PSAP: variants seen among roughly 807,000 people sequenced by gnomAD.
The protein encoded by PSAP is precursor of saposins.
A neutral mutation model predicts 66.0 loss-of-function variants in PSAP; 25 were observed. The observed-to-expected ratio is 0.38, with a 90% confidence interval of 0.28 to 0.53. The LOEUF is 0.53. Among genes scored for constraint, PSAP ranks in the 20% least tolerant of loss-of-function variants. The probability of loss-of-function intolerance (pLI) is 0.83; values close to 1 mark genes in which losing one functional copy is unlikely to be tolerated. For missense variants in PSAP, 649 were observed against 668.8 expected (o/e 0.97, Z 0.33); for synonymous variants, 273 against 258.9 (o/e 1.05, Z -0.52).
At chr10:71,822,531 T>A in intron 7 of PSAP, 1 of 469,616 alleles carries the variant, frequency 2.1e-6, no homozygotes, top group South Asian at 1.6e-5. Context: ...ATGTTCAAGC[T>A]GCACACAGTG....
chr10:71,842,243 A>G (rs765591856), intron 1 of PSAP, among the ~76,000 whole-genome samples: 6 of 152,238 alleles, frequency 3.9e-5, no homozygotes, highest in Non-Finnish European at 7.3e-5. Flanking sequence ...ATGACATTGC[A>G]ACAGACTGAA....
Position 71,819,563 on chromosome 10 carries a change from A to G in PSAP, c.1252T>C (p.Tyr418His), listed in dbSNP as rs764156331. 1.5e-5 allele frequency: 25 copies of G among 1,614,116 alleles called. No individual in the cohort carries two copies. Among genetic ancestry groups the G allele is most frequent in the East Asian group, 2.2e-5 (1 of 44,892 alleles). The change falls in exon 11 of 14, where the codon TAT becomes CAT. Residue 418 changes from tyrosine to histidine, a missense_variant. By Grantham distance (83) the Tyr-to-His change is moderately conservative (BLOSUM62 2). Coordinates refer to ENST00000394936, the MANE Select transcript of PSAP (RefSeq NM_002778.4). ...TTTTTCTCCAGGTTGCGATCCAAATAACCCACCAGCTTCTTGCACACTTCG... is the reference window on the plus strand; with the variant it reads ...TTTTTCTCCAGGTTGCGATCCAAATGACCCACCAGCTTCTTGCACACTTCG... ...FCEVCKKLVG[Y>H]LDRNLEKNST...
chr10:71,847,647 C>CA lies in PSAP; in HGVS notation c.40+3534dup, dbSNP rs771414790. Among the ~76,000 whole-genome samples the CA allele has an allele frequency of 9.0e-3, 1,131 of 126,058 alleles. 9 individuals are homozygous for CA. Among genetic ancestry groups the CA allele is most frequent in the African/African-American group, 0.022 (746 of 34,118 alleles). 82.7% of individuals were successfully genotyped at this position (126,058 alleles called of 152,430 possible). A position where few individuals can be genotyped will look rare whatever the true frequency, so the allele number is the denominator to read the frequency against. On this transcript the variant is annotated intron_variant, in intron 1 of 13. Transcript: ENST00000394936. ...CTTCTGCCTATTAAACTTTCTGCTC[C>CA]AAAAAAAAAAAAAAGAAACAAAACA... is the stretch of plus-strand genomic sequence containing the variant.
intron 13 of PSAP, 36 bp from the exon 14 acceptor site, chr10:71,817,512 A>G: frequency 6.2e-7 from 1 of 1,609,084 alleles, no homozygotes; most frequent in East Asian, 2.2e-5. Flanking sequence ...TAGTCTTCGG[A>G]TGAAAAACTC....
At chr10:71,818,030 C>T (rs1390470014) in intron 13 of PSAP, among the ~76,000 whole-genome samples, 1 of 152,224 alleles carries the variant, frequency 6.6e-6, no homozygotes, top group African/African-American at 2.4e-5. Flanking sequence ...GACATGGTCA[C>T]AGGGAAGCCC....
chr10:71,817,338 T>C lies in PSAP; in HGVS notation c.*103A>G. ...AAATGGGGGAGGTGGGGGAGCCCTA[T>C]TTTTATAACAAAGTCAAACAGATCT... On this transcript the variant is annotated 3_prime_UTR_variant, in exon 14 of 14. Transcript: ENST00000394936. 2 of 1,317,682 alleles carry C rather than the reference T, an allele frequency of 1.5e-6. No homozygotes were observed. Among genetic ancestry groups the C allele is most frequent in the Admixed American group, 1.7e-5 (1 of 59,654 alleles). 81.6% of individuals were successfully genotyped at this position (1,317,682 alleles called of 1,614,324 possible).
intron 13 of PSAP, among the ~76,000 whole-genome samples, chr10:71,817,739 G>T (rs1393351902): frequency 6.9e-6 from 1 of 145,388 alleles, no homozygotes; most frequent in African/African-American, 2.6e-5. Context: ...ACGCAGGCAG[G>T]GCTCAGGACC....
intron 5 of PSAP, 24 bp from the exon 6 acceptor site, chr10:71,828,181 G>GC: frequency 1.9e-6 from 3 of 1,614,000 alleles, no homozygotes; most frequent in Non-Finnish European, 2.5e-6. Flanking sequence ...AGTTAGGTTT[G>GC]CAACTTAAGA....
chr10:71,834,470 T>C lies in PSAP; in HGVS notation c.76A>G (p.Thr26Ala), dbSNP rs1322184020. 2 of 1,613,908 alleles carry C rather than the reference T, an allele frequency of 1.2e-6. No homozygotes were observed. Among genetic ancestry groups the C allele is most frequent in the African/African-American group, 1.3e-5 (1 of 74,916 alleles). Reference sequence around the variant, plus strand: ...TGGCACCACACTGCCGAGCCCCTGGTGCATTCTTTCAGTCCAAGGACCGGG... The same window carrying C: ...TGGCACCACACTGCCGAGCCCCTGGCGCATTCTTTCAGTCCAAGGACCGGG... ...AGPVLGLKEC[T>A]RGSAVWCQNV... is the part of the protein sequence containing the mutation. The change falls in exon 2 of 14, where the codon ACC (threonine) becomes GCC (alanine). Residue 26 changes from threonine to alanine, a missense_variant. Coordinates refer to ENST00000394936, the MANE Select transcript of PSAP (RefSeq NM_002778.4).
rs765554808 is a variant in PSAP at position 71,822,005 on chromosome 10, T to C, written c.780A>G (p.Gln260=). The change falls in exon 8 of 14, where the codon CAA becomes CAG. Residue 260 remains glutamine, a splice_region_variant and synonymous_variant. Transcript: ENST00000394936. ...CAACCAGCGCACAGATCTCCTTGGG[T>C]TGCTGAAGAGAGCACAGAACAACCA... ...EIAIQMMMHM[Q]PKEICALVGF... 1.9e-6 allele frequency: 3 copies of C among 1,614,110 alleles called. No homozygotes were observed. In the Admixed American group the frequency reaches 5.0e-5, roughly 27 times the overall value.
At chr10:71,837,079 G>A (rs975462222) in intron 1 of PSAP, among the ~76,000 whole-genome samples, 4 of 152,172 alleles carry the variant, frequency 2.6e-5, no homozygotes, top group African/African-American at 7.2e-5. Context: ...AATTCGGTAC[G>A]CCTATAAAGT....
intron 12 of PSAP, 53 bp from the exon 13 acceptor site, chr10:71,818,777 G>C: frequency 1.4e-6 from 2 of 1,441,510 alleles, no homozygotes; most frequent in Non-Finnish European, 2.0e-6. Context: ...GCTGCCCGAT[G>C]TATCGCTTTC....
At chr10:71,824,723 G>T (rs999254430) in intron 7 of PSAP, among the ~76,000 whole-genome samples, 6 of 152,216 alleles carry the variant, frequency 3.9e-5, no homozygotes, top group African/African-American at 1.4e-4. Flanking sequence ...TGAACCCGTT[G>T]ATATATTCTG....
intron 2 of PSAP, among the ~76,000 whole-genome samples, chr10:71,833,041 AAAAC>A: frequency 1.3e-5 from 2 of 148,550 alleles, no homozygotes; most frequent in Admixed American, 6.7e-5. Context: ...ACAAAAAACA[AAAAC>A]AGAAGGCCGG....
chr10:71,837,078 C>T (rs941354590), intron 1 of PSAP, among the ~76,000 whole-genome samples: 17 of 152,168 alleles, frequency 1.1e-4, no homozygotes, highest in Admixed American at 7.9e-4. Context: ...GAATTCGGTA[C>T]GCCTATAAAG....
At chr10:71,840,477 T>C (rs186300926) in intron 1 of PSAP, among the ~76,000 whole-genome samples, 1 of 152,356 alleles carries the variant, frequency 6.6e-6, no homozygotes, top group East Asian at 1.9e-4. Flanking sequence ...AAAGAGCACT[T>C]GTCTCTTCCT....
intron 8 of PSAP, among the ~76,000 whole-genome samples, chr10:71,820,785 T>C (rs967867531): frequency 6.6e-6 from 1 of 152,220 alleles, no homozygotes; most frequent in African/African-American, 2.4e-5. Context: ...GTGTCTCCCA[T>C]GTCTCATTAG....
At chr10:71,835,442 C>A (rs918328262) in intron 1 of PSAP, among the ~76,000 whole-genome samples, 10 of 151,810 alleles carry the variant, frequency 6.6e-5, no homozygotes, top group Admixed American at 5.9e-4. Flanking sequence ...CATGGTAGCA[C>A]GCACCTGTGA....
chr10:71,827,338 G>A (rs896517528), intron 6 of PSAP, among the ~76,000 whole-genome samples: 3 of 151,060 alleles, frequency 2.0e-5, no homozygotes, highest in African/African-American at 7.3e-5. Context: ...GGCGGAGCTT[G>A]CAGTGAGCCG....
Sources: gnomAD v4.1 joint callset for allele counts (sites outside exome capture counted in the v4.1 genomes callset) on GRCh38, gnomAD v4.1.1 for gene constraint, MANE v1.5 for transcripts, NCBI Gene and HGNC (gene_info 2026-07-23, HGNC 2026-07-21) for gene names.